Variants in GRIA1 observed in about 807,000 individuals in gnomAD.
GRIA1 encodes the protein glutamate ionotropic receptor AMPA type subunit 1.
Under a neutral mutation model 99.2 loss-of-function variants are expected in GRIA1, and 31 were observed. The observed-to-expected ratio is 0.31, with a 90% CI of 0.23 to 0.42. The LOEUF (loss-of-function observed/expected upper bound fraction) is 0.42, where lower values mean the gene tolerates loss of function less well. Ranked by LOEUF, GRIA1 falls within the 10% of genes least tolerant of loss-of-function variation. The pLI is 1.00. For missense variants in GRIA1, 782 were observed against 1,157.5 expected, an observed-to-expected ratio of 0.68 and a Z score of 4.71; for synonymous variants, 438 against 432.4, an observed-to-expected ratio of 1.01 and a Z score of -0.16.
chr5:153,601,594 A>C (rs1479681523), intron 2 of GRIA1, among the ~76,000 whole-genome samples: 1 of 152,218 alleles, frequency 6.6e-6, no homozygotes, highest in African/African-American at 2.4e-5. Flanking sequence ...TCTCTATTCA[A>C]CACCAGATTG....
At chr5:153,726,137 A>T (rs1276127868) in intron 11 of GRIA1, among the ~76,000 whole-genome samples, 6 of 152,328 alleles carry the variant, frequency 3.9e-5, no homozygotes, top group Admixed American at 2.0e-4. Context: ...CTTATGAATG[A>T]CCACTGGGTA....
intron 2 of GRIA1, among the ~76,000 whole-genome samples, chr5:153,589,128 T>C (rs767518247): frequency 3.9e-5 from 6 of 152,208 alleles, no homozygotes; most frequent in Non-Finnish European, 8.8e-5. Context: ...AGCATGTTGC[T>C]TACCATTTAT....
chr5:153,770,622 T>A (rs1763816000), intron 13 of GRIA1, among the ~76,000 whole-genome samples: 1 of 152,198 alleles, frequency 6.6e-6, no homozygotes, highest in Non-Finnish European at 1.5e-5. Context: ...CAGCTTGCTG[T>A]GACTGTCACT....
chr5:153,728,691 C>T lies in GRIA1; in HGVS notation c.1823+22624C>T, dbSNP rs1456254578. Among the ~76,000 whole-genome samples, 5 of 98,224 alleles carry T rather than the reference C, an allele frequency of 5.1e-5. No individual in the cohort carries two copies. The Admixed American group carries it at 5.4e-4, about 11-fold the overall frequency. 64.4% of individuals were successfully genotyped at this position (98,224 alleles called of 152,430 possible). ...AATCAAAACCACAATGAGATACCAT[C>T]TCACACCAGTTAGAATGGCAGTCAT... On this transcript the variant is annotated intron_variant, in intron 11 of 15. Transcript: ENST00000285900.
At chr5:153,567,665 C>G (rs1467616160) in intron 2 of GRIA1, among the ~76,000 whole-genome samples, 1 of 152,206 alleles carries the variant, frequency 6.6e-6, no homozygotes, top group African/African-American at 2.4e-5. Context: ...AGAAAGGCAT[C>G]TCCGAGTGAT....
At chr5:153,649,668 G>T (rs1458543839) in intron 3 of GRIA1, among the ~76,000 whole-genome samples, 1 of 152,048 alleles carries the variant, frequency 6.6e-6, no homozygotes, top group African/African-American at 2.4e-5. Context: ...CATCATGTTT[G>T]CCAGGCTGGT....
Position 153,799,765 on chromosome 5 carries a change from C to T in GRIA1, c.2386-2591C>T, listed in dbSNP as rs543924473. Among the ~76,000 whole-genome samples, 20 of 152,298 alleles carry T rather than the reference C, an allele frequency of 1.3e-4. No homozygotes were observed. In the Middle Eastern group the frequency reaches 0.01, roughly 78 times the overall value. ...TGTAAAGGATGTATCCCCCCTCACA[C>T]ACATTGCCATCTCCCTGGGCCGGAG... On this transcript the variant is annotated intron_variant, in intron 14 of 15. Coordinates refer to ENST00000285900, the MANE Select transcript of GRIA1 (RefSeq NM_000827.4).
At chr5:153,772,301 T>C (rs369376697) in intron 13 of GRIA1, among the ~76,000 whole-genome samples, 1 of 151,248 alleles carries the variant, frequency 6.6e-6, no homozygotes, top group Admixed American at 6.6e-5. Context: ...AGGAGTTAAC[T>C]AAGTGAAGTG....
intron 11 of GRIA1, among the ~76,000 whole-genome samples, chr5:153,763,849 TG>T (rs1763341771): frequency 6.6e-6 from 1 of 152,216 alleles, no homozygotes. Context: ...GGGAAAGAAT[TG>T]TGTCTGCACA....
rs57395601 is a variant in GRIA1 at position 153,600,391 on chromosome 5, C to CAAAAAAA, written c.221-46518_221-46512dup. On this transcript the variant is annotated intron_variant, in intron 2 of 15. Coordinates refer to ENST00000285900, the MANE Select transcript of GRIA1 (RefSeq NM_000827.4). ...TGGGCGACAGAGCGAGACTCCATCT[C>CAAAAAAA]AAAAAAAAAAAAAAAAAAAAAAAAA... Among the ~76,000 whole-genome samples, 26 of 51,496 alleles carry CAAAAAAA rather than the reference C, an allele frequency of 5.0e-4. 1 individual carries two copies. Among genetic ancestry groups the CAAAAAAA allele is most frequent in the South Asian group, 1.2e-3 (1 of 830 alleles). 33.8% of individuals were successfully genotyped at this position (51,496 alleles called of 152,430 possible).
At chr5:153,589,647 G>T (rs190823920) in intron 2 of GRIA1, among the ~76,000 whole-genome samples, 1 of 152,218 alleles carries the variant, frequency 6.6e-6, no homozygotes, top group East Asian at 1.9e-4. Context: ...GTCTTGAAAT[G>T]ATCATTTCAT....
At chr5:153,740,519 A>G (rs1010948569) in intron 11 of GRIA1, among the ~76,000 whole-genome samples, 17 of 152,240 alleles carry the variant, frequency 1.1e-4, no homozygotes, top group African/African-American at 3.9e-4. Context: ...ACTTAGAGGA[A>G]TGTGGCCAAC....
At chr5:153,550,854 T>C (rs568082074) in intron 2 of GRIA1, among the ~76,000 whole-genome samples, 8 of 152,334 alleles carry the variant, frequency 5.3e-5, no homozygotes, top group Admixed American at 1.3e-4. Flanking sequence ...TCAGTAGGTC[T>C]GGGGTTGGAC....
At chr5:153,491,380 C>T (rs1753902937) in intron 1 of GRIA1, 2 of 795,390 alleles carry the variant, frequency 2.5e-6, no homozygotes, top group Non-Finnish European at 1.6e-6. Context: ...TTATATATTA[C>T]ATATGCACAT....
chr5:153,661,773 A>T (rs1432994847), intron 5 of GRIA1, among the ~76,000 whole-genome samples: 1 of 152,250 alleles, frequency 6.6e-6, no homozygotes, highest in Non-Finnish European at 1.5e-5. Flanking sequence ...TGCTAGAAGA[A>T]GTAGAGGTAG....
At chr5:153,685,296 C>T (rs891809884) in intron 7 of GRIA1, among the ~76,000 whole-genome samples, 4 of 152,166 alleles carry the variant, frequency 2.6e-5, no homozygotes, top group Non-Finnish European at 5.9e-5. Flanking sequence ...TCTTGGATGA[C>T]ATTTATCAGT....
At chr5:153,586,435 A>G in intron 2 of GRIA1, among the ~76,000 whole-genome samples, 1 of 152,226 alleles carries the variant, frequency 6.6e-6, no homozygotes, top group East Asian at 1.9e-4. Flanking sequence ...GTCCAAGCTC[A>G]CACAGTCAGT....
intron 11 of GRIA1, among the ~76,000 whole-genome samples, chr5:153,745,247 C>G (rs947781366): frequency 6.6e-6 from 1 of 151,746 alleles, no homozygotes; most frequent in Non-Finnish European, 1.5e-5. Context: ...TCGTCCCTTC[C>G]TTCTCTCTTC....
intron 2 of GRIA1, among the ~76,000 whole-genome samples, chr5:153,526,141 A>C (rs1042929834): frequency 6.6e-6 from 1 of 152,136 alleles, no homozygotes; most frequent in South Asian, 2.1e-4. Flanking sequence ...GGGAATAATA[A>C]TTTCTGCCCT....
Sources: gnomAD v4.1 joint callset for allele counts (sites outside exome capture counted in the v4.1 genomes callset) on GRCh38, gnomAD v4.1.1 for gene constraint, MANE v1.5 for transcripts, NCBI Gene and HGNC (gene_info 2026-07-23, HGNC 2026-07-21) for gene names.